TSKS: variants seen among roughly 807,000 people sequenced by gnomAD.
TSKS encodes testis specific serine kinase substrate.
TSKS carries 27 observed loss-of-function variants against 68.0 expected under a neutral mutation model. The ratio of observed to expected loss-of-function variants is 0.40; its 90% CI spans 0.29 to 0.55. TSKS has a LOEUF of 0.55. Ranked by LOEUF, TSKS falls within the 20% of genes least tolerant of loss-of-function variation. The pLI is 0.53. For synonymous variants in TSKS, 331 were observed against 340.4 expected, an observed-to-expected ratio of 0.97 and a Z score of 0.30; for missense variants, 806 against 776.0, an observed-to-expected ratio of 1.04 and a Z score of -0.46.
At chr19:49,741,237 C>T (rs1414364046) in intron 9 of TSKS, among the ~76,000 whole-genome samples, 1 of 152,146 alleles carries the variant, frequency 6.6e-6, no homozygotes, top group African/African-American at 2.4e-5. Context: ...CTACGTACAA[C>T]TGCACCAAGC....
At chr19:49,743,445 G>A (rs952475909) in intron 8 of TSKS, among the ~76,000 whole-genome samples, 2 of 150,148 alleles carry the variant, frequency 1.3e-5, no homozygotes, top group East Asian at 2.0e-4. Flanking sequence ...GTGCAGTAGC[G>A]TGATCTCGGC....
chr19:49,750,015 T>A (rs977295563), intron 2 of TSKS, among the ~76,000 whole-genome samples: 1 of 151,530 alleles, frequency 6.6e-6, no homozygotes, highest in Non-Finnish European at 1.5e-5. Flanking sequence ...AGGAAAAGAG[T>A]GAGAACTTTC....
chr19:49,754,394 G>T lies in TSKS; in HGVS notation c.400-5925C>A, dbSNP rs995011970. On this transcript the variant is annotated intron_variant, in intron 2 of 10. Coordinates refer to ENST00000246801, the MANE Select transcript of TSKS (RefSeq NM_021733.2). Reference sequence around the variant, plus strand: ...CACACCTGTAATCCCAGCTACTGGGGAGGCTGAGTCAGGAAAATCGCTTGA... The same window carrying T: ...CACACCTGTAATCCCAGCTACTGGGTAGGCTGAGTCAGGAAAATCGCTTGA... 5.9e-5 allele frequency among the ~76,000 whole-genome samples: 9 copies of T among 151,840 alleles called. No individual in the cohort carries two copies. The East Asian group carries it at 1.6e-3, about 27-fold the overall frequency.
chr19:49,745,365 GC>G lies in TSKS; in HGVS notation c.1023del (p.Trp341CysfsTer26). 1 of 1,585,090 alleles carries G rather than the reference GC, an allele frequency of 6.3e-7. No individual in the cohort carries two copies. On this transcript the variant is annotated frameshift_variant, in exon 7 of 11. Coordinates refer to ENST00000246801, the MANE Select transcript of TSKS (RefSeq NM_021733.2). LOFTEE classifies it high-confidence loss of function. ...RREVSSLTARWHQEEGAVQEA... is the reference protein window; with the variant it reads ...RREVSSLTARXHQEEGAVQEA... Reference sequence around the variant, plus strand: ...TCCTGCACCGCCCCCTCCTCCTGATGCCACCGGGCGGTCAGTGAGGACACCT... The same window carrying G: ...TCCTGCACCGCCCCCTCCTCCTGATGCACCGGGCGGTCAGTGAGGACACCT...
intron 2 of TSKS, among the ~76,000 whole-genome samples, chr19:49,751,088 G>C (rs1343720586): frequency 1.3e-5 from 2 of 151,996 alleles, no homozygotes; most frequent in Non-Finnish European, 2.9e-5. Context: ...TGGATCACTT[G>C]AGGTCAGGAG....
rs1191608853 is a variant in TSKS at position 49,763,094 on chromosome 19, C to G, written c.154G>C (p.Ala52Pro). 1.2e-6 allele frequency: 2 copies of G among 1,612,284 alleles called. No homozygotes were observed. The highest frequency in any genetic ancestry group is 1.7e-6 in the Non-Finnish European group (2 of 1,179,110). ...RAKGIPKKKKAVSFHGVEPQM... is the reference protein window; with the variant it reads ...RAKGIPKKKKPVSFHGVEPQM... ...CAAACCCACCCGTGGAACGACACGGCCTTCTTTTTCTTCGGGATCCCCTTG... is the reference window on the plus strand; with the variant it reads ...CAAACCCACCCGTGGAACGACACGGGCTTCTTTTTCTTCGGGATCCCCTTG... Residue 52 changes from alanine to proline, a missense_variant, in exon 1 of 11, where the codon GCC becomes CCC. Physicochemically the swap from Ala to Pro is conservative, Grantham distance 27. Coordinates refer to ENST00000246801, the MANE Select transcript of TSKS (RefSeq NM_021733.2). The surrounding 1 kb of genome is among the most constrained non-coding windows in gnomAD (Gnocchi z 4.5).
chr19:49,755,923 C>T (rs1040701372), intron 2 of TSKS, among the ~76,000 whole-genome samples: 1 of 151,998 alleles, frequency 6.6e-6, no homozygotes, highest in African/African-American at 2.4e-5. Flanking sequence ...ATCGCTTGAA[C>T]CTGGGAGGCG....
chr19:49,753,799 A>T (rs2084371565), intron 2 of TSKS, among the ~76,000 whole-genome samples: 1 of 151,170 alleles, frequency 6.6e-6, no homozygotes, highest in Non-Finnish European at 1.5e-5. Flanking sequence ...ATAAAAAGCA[A>T]CTATAACAAG....
intron 2 of TSKS, among the ~76,000 whole-genome samples, chr19:49,753,312 C>T (rs2123620055): frequency 6.6e-6 from 1 of 152,132 alleles, no homozygotes; most frequent in African/African-American, 2.4e-5. Context: ...CCTGTAATCC[C>T]AGCACTTTGG....
intron 6 of TSKS, 75 bp downstream of exon 6, chr19:49,746,395 C>T (rs1266427357): frequency 3.9e-6 from 6 of 1,558,146 alleles, no homozygotes; most frequent in Non-Finnish European, 5.3e-6. Flanking sequence ...TCCCGCCCAC[C>T]GCATCTCCTC....
At chr19:49,755,012 G>T (rs1028253437) in intron 2 of TSKS, among the ~76,000 whole-genome samples, 1 of 152,038 alleles carries the variant, frequency 6.6e-6, no homozygotes, top group African/African-American at 2.4e-5. Flanking sequence ...CAGCAGAATC[G>T]CTTGAACCCA....
intron 7 of TSKS, 79 bp downstream of exon 7, chr19:49,745,123 A>G (rs2084285131): frequency 4.3e-6 from 6 of 1,409,584 alleles, no homozygotes; most frequent in Non-Finnish European, 5.7e-6. Flanking sequence ...TGGCCTACCC[A>G]TTTCCCTCAA....
At chr19:49,749,824 C>A (rs1012166476) in intron 2 of TSKS, among the ~76,000 whole-genome samples, 1 of 152,110 alleles carries the variant, frequency 6.6e-6, no homozygotes, top group Non-Finnish European at 1.5e-5. Flanking sequence ...GTTACCCAAG[C>A]TGGCCTCAAA....
intron 2 of TSKS, among the ~76,000 whole-genome samples, chr19:49,755,216 C>G (rs2084383552): frequency 6.6e-6 from 1 of 152,104 alleles, no homozygotes; most frequent in Non-Finnish European, 1.5e-5. Context: ...ATTATCCAGC[C>G]TGAGAAACAT....
chr19:49,763,093 G>A lies in TSKS; in HGVS notation c.155C>T (p.Ala52Val). 6.2e-7 allele frequency: 1 copy of A among 1,612,018 alleles called. No homozygotes were observed. Among genetic ancestry groups the A allele is most frequent in the East Asian group, 2.2e-5 (1 of 44,606 alleles). The stretch of plus-strand genomic sequence containing the variant: ...ACAAACCCACCCGTGGAACGACACG[G>A]CCTTCTTTTTCTTCGGGATCCCCTT... ...RAKGIPKKKK[A>V]VSFHGVEPQM... The change falls in exon 1 of 11, where the codon GCC becomes GTC. Residue 52 changes from alanine to valine, a missense_variant. Physicochemically the swap from Ala to Val is moderately conservative, Grantham distance 64. Transcript: ENST00000246801. This position sits in a 1 kb window ranked among gnomAD's most constrained non-coding sequence, Gnocchi z 4.5.
intron 2 of TSKS, among the ~76,000 whole-genome samples, chr19:49,758,662 C>T (rs898548226): frequency 6.6e-6 from 1 of 152,142 alleles, no homozygotes; most frequent in African/African-American, 2.4e-5. Context: ...TGGACCCTCG[C>T]CCAGGCTCCC....
At chr19:49,760,359 C>T (rs930368905) in intron 2 of TSKS, among the ~76,000 whole-genome samples, 1 of 151,472 alleles carries the variant, frequency 6.6e-6, no homozygotes, top group African/African-American at 2.4e-5. Context: ...CTCGCTGTGT[C>T]GCCCAGGCTG....
At chr19:49,754,837 C>T (rs865880222) in intron 2 of TSKS, among the ~76,000 whole-genome samples, 4 of 152,176 alleles carry the variant, frequency 2.6e-5, no homozygotes, top group African/African-American at 7.2e-5. Context: ...CAATGGCTCA[C>T]ACCTGTAATC....
intron 2 of TSKS, among the ~76,000 whole-genome samples, chr19:49,760,309 A>C (rs2084429734): frequency 6.6e-6 from 1 of 152,012 alleles, no homozygotes; most frequent in Non-Finnish European, 1.5e-5. Context: ...TGTCTCTACA[A>C]AAATTATTAT....
Sources: gnomAD v4.1 joint callset for allele counts (sites outside exome capture counted in the v4.1 genomes callset) on GRCh38, gnomAD v4.1.1 for gene constraint, Gnocchi (gnomAD v3.1) non-coding constraint, MANE v1.5 for transcripts, NCBI Gene and HGNC (gene_info 2026-07-23, HGNC 2026-07-21) for gene names.